MCOLN2: variants seen among roughly 807,000 people sequenced by gnomAD.
The protein encoded by MCOLN2 is mucolipin TRP cation channel 2.
MCOLN2 carries 57 observed loss-of-function variants against 67.5 expected under a neutral mutation model. The ratio of observed to expected loss-of-function variants is 0.84; its 90% confidence interval spans 0.68 to 1.05. MCOLN2 has a LOEUF of 1.05. Ranked by LOEUF, MCOLN2 falls within the 50% of genes least tolerant of loss-of-function variation. MCOLN2 has a pLI of 0.00. For missense variants in MCOLN2, 620 were observed against 678.8 expected (o/e 0.91, Z 0.96); for synonymous variants, 246 against 233.3 (o/e 1.05, Z -0.50).
chr1:84,954,096 A>C (rs1208450915), intron 4 of MCOLN2, among the ~76,000 whole-genome samples: 1 of 152,254 alleles, frequency 6.6e-6, no homozygotes, highest in Non-Finnish European at 1.5e-5. Flanking sequence ...TCAAGAGCAC[A>C]ACTTTATTGC....
intron 10 of MCOLN2, 22 bp from the exon 11 acceptor site, chr1:84,937,899 G>T (rs745910600): frequency 6.2e-7 from 1 of 1,613,970 alleles, no homozygotes. Flanking sequence ...AACAGAATGG[G>T]TGAAATGAAA....
At position 84,958,601 on chromosome 1, in the gene MCOLN2, A is replaced by C; in HGVS notation, c.339T>G (p.Asp113Glu). 1.2e-6 allele frequency: 2 copies of C among 1,611,778 alleles called. No homozygotes were observed. Among genetic ancestry groups the C allele is most frequent in the Non-Finnish European group, 1.7e-6 (2 of 1,179,572 alleles). Reference sequence around the variant, plus strand: ...ATACACTGCAGCTGTAGTCATCTTCATCTGTACCAGAATATCCTTTCAAAA... The same window carrying C: ...ATACACTGCAGCTGTAGTCATCTTCCTCTGTACCAGAATATCCTTTCAAAA... ...HLFLKGYSGT[D>E]EDDYSCSVYT... Residue 113 changes from aspartate (D) to glutamate (E), a missense_variant, in exon 3 of 14, where the codon GAT (aspartate) becomes GAG (glutamate). Transcript: ENST00000370608.
Position 84,938,017 on chromosome 1 carries a change from T to G in MCOLN2, c.1176A>C (p.Gly392=), listed in dbSNP as rs781255076. The G allele has an allele frequency of 1.9e-6, 3 of 1,613,984 alleles. No homozygotes were observed. Among genetic ancestry groups the G allele is most frequent in the Non-Finnish European group, 2.5e-6 (3 of 1,179,990 alleles). Residue 392 remains glycine (G), a synonymous_variant, in exon 10 of 14, where the codon GGA becomes GGC. Coordinates refer to ENST00000370608, the MANE Select transcript of MCOLN2 (RefSeq NM_153259.4). The stretch of plus-strand genomic sequence containing the variant: ...GGAAATAACCCAGGTATCTGATGAC[T>G]CCAACCCAAACCAAGAGCGTAGAGG... ...LGTSTLLVWV[G]VIRYLGYFQA... is the part of the protein sequence containing the mutation.
chr1:84,991,944 T>C (rs1650906637), intron 1 of MCOLN2, among the ~76,000 whole-genome samples: 1 of 152,226 alleles, frequency 6.6e-6, no homozygotes, highest in South Asian at 2.1e-4. Context: ...AACATTTTTC[T>C]TTCTCCAATA....
chr1:84,996,451 G>T (rs1335781002), intron 1 of MCOLN2, among the ~76,000 whole-genome samples: 1 of 141,050 alleles, frequency 7.1e-6, no homozygotes, highest in Non-Finnish European at 1.5e-5. Context: ...GCAGGAAACG[G>T]GGGAGCCAAG....
At chr1:84,995,830 T>C (rs1651122624) in intron 1 of MCOLN2, among the ~76,000 whole-genome samples, 1 of 152,062 alleles carries the variant, frequency 6.6e-6, no homozygotes, top group African/African-American at 2.4e-5. Context: ...TTTGATATGT[T>C]CCTCCTTCAC....
chr1:84,985,489 C>A (rs1377734826), intron 1 of MCOLN2, among the ~76,000 whole-genome samples: 1 of 152,164 alleles, frequency 6.6e-6, no homozygotes, highest in African/African-American at 2.4e-5. Context: ...GCATCTCCAG[C>A]AAATCTCTCT....
In MCOLN2 at chr1:84,963,489, C is replaced by A. The variant is rs376068273; in HGVS notation, c.237+2060G>T. ...AGGTATCAGGAAAAAGAAGGTAAAT[C>A]CAAGATGGTGATATGGTTTATATTT... On this transcript the variant is annotated intron_variant, in intron 2 of 13. Transcript: ENST00000370608. Among the ~76,000 whole-genome samples the A allele has an allele frequency of 2.2e-4, 34 of 152,186 alleles. No individual in the cohort carries two copies. In the South Asian group the frequency reaches 7.1e-3, roughly 32 times the overall value.
chr1:84,983,817 C>T (rs1387905458), intron 1 of MCOLN2, among the ~76,000 whole-genome samples: 1 of 151,540 alleles, frequency 6.6e-6, no homozygotes. Context: ...GCTGGGATTA[C>T]AGGCGCACGC....
intron 1 of MCOLN2, among the ~76,000 whole-genome samples, chr1:84,980,802 C>T (rs993138581): frequency 8.5e-5 from 13 of 152,132 alleles, no homozygotes; most frequent in South Asian, 2.1e-4. Context: ...CAAACATGAA[C>T]GAATGGGACC....
chr1:84,991,804 A>G (rs969044704), intron 1 of MCOLN2, among the ~76,000 whole-genome samples: 9 of 152,126 alleles, frequency 5.9e-5, no homozygotes, highest in Non-Finnish European at 1.2e-4. Flanking sequence ...AACAAGCCAC[A>G]CTCCTTTGGA....
chr1:84,932,744 A>T (rs1470094749), intron 11 of MCOLN2, among the ~76,000 whole-genome samples: 3 of 151,544 alleles, frequency 2.0e-5, no homozygotes, highest in Non-Finnish European at 2.9e-5. Flanking sequence ...TTCCTATCAC[A>T]TGTTTCTCCA....
chr1:84,936,685 TA>T (rs966642572), intron 11 of MCOLN2, among the ~76,000 whole-genome samples: 1 of 152,184 alleles, frequency 6.6e-6, no homozygotes, highest in African/African-American at 2.4e-5. Flanking sequence ...ATGTGACACC[TA>T]AAAAGAAGAA....
intron 1 of MCOLN2, among the ~76,000 whole-genome samples, chr1:84,973,205 A>C (rs1220929676): frequency 6.6e-6 from 1 of 152,210 alleles, no homozygotes; most frequent in Non-Finnish European, 1.5e-5. Flanking sequence ...GGACTGACAC[A>C]GTGGCTCATG....
chr1:84,978,276 CA>C (rs35369217), intron 1 of MCOLN2, among the ~76,000 whole-genome samples: 70,470 of 150,242 alleles, frequency 0.47, 16,717 homozygotes, highest in East Asian at 0.64. Flanking sequence ...CTGCCTACTT[CA>C]AAAAAAAAGG....
In MCOLN2 at chr1:84,958,515, A is replaced by T; in HGVS notation, c.411+14T>A. 1.9e-6 allele frequency: 3 copies of T among 1,593,318 alleles called. No homozygotes were observed. The highest frequency in any genetic ancestry group is 2.6e-6 in the Non-Finnish European group (3 of 1,175,008). On this transcript the variant is annotated intron_variant, in intron 3 of 13. Coordinates refer to ENST00000370608, the MANE Select transcript of MCOLN2 (RefSeq NM_153259.4). ...CATTGTTAAAGTATAGGTCATTCAC[A>T]ACAAAACACTTGCCTGATTAATAGC...
chr1:84,937,403 T>A, intron 11 of MCOLN2: 1 of 193,668 alleles, frequency 5.2e-6, no homozygotes, highest in Non-Finnish European at 1.0e-5. Context: ...TACTTTAAAT[T>A]GGAAATTTTT....
chr1:84,933,026 C>T (rs992889570), intron 11 of MCOLN2, among the ~76,000 whole-genome samples: 1 of 152,182 alleles, frequency 6.6e-6, no homozygotes, highest in Middle Eastern at 3.2e-3. Context: ...TATTAATATG[C>T]TGTGCTTATC....
At chr1:84,995,805 T>TAAAAA (rs35541746) in intron 1 of MCOLN2, among the ~76,000 whole-genome samples, 80 of 126,130 alleles carry the variant, frequency 6.3e-4, no homozygotes, top group Middle Eastern at 4.2e-3. Context: ...CTCTATTTTT[T>TAAAAA]TAAAAAAAAA....
Sources: gnomAD v4.1 joint callset for allele counts (sites outside exome capture counted in the v4.1 genomes callset) on GRCh38, gnomAD v4.1.1 for gene constraint, MANE v1.5 for transcripts, NCBI Gene and HGNC (gene_info 2026-07-23, HGNC 2026-07-21) for gene names.